RBP4: variants seen among roughly 807,000 people sequenced by gnomAD.
The protein encoded by RBP4 is retinol-binding protein 4.
Under a neutral mutation model 26.2 loss-of-function variants are expected in RBP4, and 9 were observed. The ratio of observed to expected loss-of-function variants is 0.34; its 90% CI spans 0.21 to 0.60. The LOEUF is 0.60. RBP4 is among the 20% of genes least tolerant of loss of function. The pLI, the probability that RBP4 is intolerant of heterozygous loss-of-function variation, is 0.80. For missense variants in RBP4, 244 were observed against 271.3 expected (o/e 0.90, Z 0.71); for synonymous variants, 114 against 111.0 (o/e 1.03, Z -0.17).
chr10:93,600,211 G>C lies in RBP4; in HGVS notation c.355+182C>G, dbSNP rs10882282. The stretch of plus-strand genomic sequence containing the variant: ...TTTCTTGAGCTGAGGTTTGGGGAGG[G>C]GGTAGGTAGCTGCTCCCAATCTTGT... On this transcript the variant is annotated intron_variant, in intron 4 of 5. Transcript: ENST00000371464. 0.14 allele frequency among the ~76,000 whole-genome samples: 21,813 copies of C among 152,142 alleles called. 2,530 individuals are homozygous for C. Among genetic ancestry groups the C allele is most frequent in the East Asian group, 0.43 (2,221 of 5,146 alleles).
intron 4 of RBP4, among the ~76,000 whole-genome samples, chr10:93,594,876 G>A (rs1184290910): frequency 3.3e-5 from 5 of 152,182 alleles, no homozygotes; most frequent in South Asian, 2.1e-4. Context: ...ACCATGGCTC[G>A]TGCTTGTAAT....
At chr10:93,593,555 A>G (rs17484721) in intron 5 of RBP4, among the ~76,000 whole-genome samples, 22,797 of 151,928 alleles carry the variant, frequency 0.15, 1,955 homozygotes, top group South Asian at 0.34. Context: ...TGGCCCGAGG[A>G]AGCAGAATAA....
intron 1 of RBP4, 49 bp from the exon 2 acceptor site, chr10:93,601,095 C>A: frequency 6.3e-7 from 1 of 1,578,762 alleles, no homozygotes; most frequent in Non-Finnish European, 8.5e-7. Flanking sequence ...CCCCCGCCGC[C>A]GTATCCCACC....
intron 4 of RBP4, among the ~76,000 whole-genome samples, chr10:93,598,661 G>C (rs58621997): frequency 1.3e-5 from 2 of 152,164 alleles, no homozygotes; most frequent in Non-Finnish European, 2.9e-5. Flanking sequence ...GGTTTGATAG[G>C]GGGAGGAGGC....
chr10:93,595,269 A>G (rs1286702399), intron 4 of RBP4, among the ~76,000 whole-genome samples: 3 of 152,130 alleles, frequency 2.0e-5, no homozygotes, highest in Non-Finnish European at 2.9e-5. Flanking sequence ...ACACAATACC[A>G]TGATTGGGAC....
At chr10:93,600,061 C>G (rs1045536934) in intron 4 of RBP4, among the ~76,000 whole-genome samples, 1 of 152,168 alleles carries the variant, frequency 6.6e-6, no homozygotes, top group African/African-American at 2.4e-5. Context: ...AAATGCAGAG[C>G]TAGGTGGAGT....
At position 93,601,216 on chromosome 10, in the gene RBP4, G is replaced by A. The variant is rs2058337217; in HGVS notation, c.-64C>T. Reference sequence around the variant, plus strand: ...GCAAGCCTGGCCGCCGAGTCCGGGCGCGCGTGGAGCGAGGGAGGCGAGCGC... The same window carrying A: ...GCAAGCCTGGCCGCCGAGTCCGGGCACGCGTGGAGCGAGGGAGGCGAGCGC... On this transcript the variant is annotated 5_prime_UTR_variant, in exon 1 of 6. Transcript: ENST00000371464. 7.7e-7 allele frequency: 1 copy of A among 1,297,980 alleles called. No homozygotes were observed. The highest frequency in any genetic ancestry group is 2.4e-5 in the South Asian group (1 of 41,988). The allele number at this position is 1,297,980 out of a possible 1,614,324, so 80.4% of individuals were successfully genotyped here.
At chr10:93,599,787 G>A (rs1208347212) in intron 4 of RBP4, among the ~76,000 whole-genome samples, 2 of 152,142 alleles carry the variant, frequency 1.3e-5, no homozygotes, top group Non-Finnish European at 2.9e-5. Flanking sequence ...CTCATGATTA[G>A]GCCAAATTTT....
At chr10:93,594,579 C>T (rs1386185632) in intron 4 of RBP4, among the ~76,000 whole-genome samples, 2 of 152,220 alleles carry the variant, frequency 1.3e-5, no homozygotes, top group African/African-American at 4.8e-5. Context: ...GCTTCTCTGG[C>T]TCCATCCTAA....
chr10:93,593,943 T>C lies in RBP4; in HGVS notation c.448A>G (p.Ser150Gly). 6.2e-7 allele frequency: 1 copy of C among 1,614,070 alleles called. No homozygotes were observed. Among genetic ancestry groups the C allele is most frequent in the Non-Finnish European group, 8.5e-7 (1 of 1,180,040 alleles). ...LLNLDGTCAD[S>G]YSFVFSRDPN... ...TCCCGGGAAAACACGAAGGAGTAGC[T>C]GTCAGCACAGGTGCCATCGAGGTTC... The change falls in exon 5 of 6, where the codon AGC becomes GGC. Residue 150 changes from serine (S) to glycine (G), a missense_variant. Transcript: ENST00000371464.
At position 93,600,979 on chromosome 10, in the gene RBP4, C is replaced by A. The variant is rs971623953; in HGVS notation, c.50G>T (p.Arg17Leu). 1 of 1,612,222 alleles carries A rather than the reference C, an allele frequency of 6.2e-7. No homozygotes were observed. Among genetic ancestry groups the A allele is most frequent in the African/African-American group, 1.3e-5 (1 of 74,924 alleles). ...LLLLAALGSG[R>L]AERDCRVSSF... Reference sequence around the variant, plus strand: ...GCTCACTCGGCAGTCGCGCTCCGCGCGGCCGCTGCCCAGCGCCGCCAACAG... The same window carrying A: ...GCTCACTCGGCAGTCGCGCTCCGCGAGGCCGCTGCCCAGCGCCGCCAACAG... Residue 17 changes from arginine to leucine, a missense_variant, in exon 2 of 6, where the codon CGC becomes CTC. Arg to Leu is a moderately radical substitution (Grantham distance 102). Transcript: ENST00000371464.
At chr10:93,594,357 C>A (rs898990712) in intron 4 of RBP4, among the ~76,000 whole-genome samples, 2 of 152,150 alleles carry the variant, frequency 1.3e-5, no homozygotes, top group Non-Finnish European at 2.9e-5. Context: ...TCATCAAAAC[C>A]ACAGAATAAA....
Position 93,600,913 on chromosome 10 carries a change from C to T in RBP4, c.111+5G>A, listed in dbSNP as rs774499228. The T allele has an allele frequency of 6.2e-7, 1 of 1,612,232 alleles. No homozygotes were observed. Among genetic ancestry groups the T allele is most frequent in the Non-Finnish European group, 8.5e-7 (1 of 1,179,750 alleles). On this transcript the variant is annotated splice_donor_5th_base_variant and intron_variant, in intron 2 of 5. Transcript: ENST00000371464. Reference sequence around the variant, plus strand: ...GCCGCCTGGGCCCCCTGGGCCGATACCTACGCGAGCCTTGTCGAAGTTCTC... The same window carrying T: ...GCCGCCTGGGCCCCCTGGGCCGATATCTACGCGAGCCTTGTCGAAGTTCTC...
chr10:93,595,163 A>G (rs1271567456), intron 4 of RBP4, among the ~76,000 whole-genome samples: 1 of 152,126 alleles, frequency 6.6e-6, no homozygotes, highest in East Asian at 1.9e-4. Flanking sequence ...AAAGAAAAAA[A>G]GAATGTATGT....
At chr10:93,593,757 TG>T in intron 5 of RBP4, 65 bp downstream of exon 5, 2 of 1,528,636 alleles carry the variant, frequency 1.3e-6, no homozygotes, top group Non-Finnish European at 9.0e-7. Flanking sequence ...CACTAGCACG[TG>T]GGCCCCTTAG....
intron 4 of RBP4, among the ~76,000 whole-genome samples, chr10:93,595,903 TGAG>T (rs982093169): frequency 5.3e-5 from 8 of 152,178 alleles, no homozygotes; most frequent in Admixed American, 5.2e-4. Flanking sequence ...GAGGTGGGGC[TGAG>T]GAGATGTTCC....
intron 4 of RBP4, among the ~76,000 whole-genome samples, chr10:93,595,344 T>G (rs529110632): frequency 4.6e-5 from 7 of 152,254 alleles, no homozygotes; most frequent in African/African-American, 1.7e-4. Context: ...CTCGGTTACC[T>G]CTCACATTGA....
chr10:93,600,827 G>C (rs2058332348), intron 2 of RBP4, 24 bp from the exon 3 acceptor site: 1 of 1,340,402 alleles, frequency 7.5e-7, no homozygotes, highest in Non-Finnish European at 9.9e-7. Flanking sequence ...GACAGCAGGG[G>C]TTTGGCGTCC....
chr10:93,600,891 GCCTGGGCCC>G lies in RBP4; in HGVS notation c.111+18_111+26del. The G allele has an allele frequency of 5.6e-6, 9 of 1,610,954 alleles. No individual in the cohort carries two copies. The highest frequency in any genetic ancestry group is 1.1e-5 in the South Asian group (1 of 90,984). ...CGGGGATGGGGTGGGGACCTGGGCC[GCCTGGGCCC>G]CCTGGGCCGATACCTACGCGAGCCT... is the stretch of plus-strand genomic sequence containing the variant. On this transcript the variant is annotated intron_variant, in intron 2 of 5. Coordinates refer to ENST00000371464, the MANE Select transcript of RBP4 (RefSeq NM_006744.4).
Sources: allele counts gnomAD v4.1 joint callset (sites outside exome capture counted in the v4.1 genomes callset), GRCh38; gene constraint gnomAD v4.1.1; transcripts MANE v1.5; gene names NCBI Gene and HGNC (gene_info 2026-07-23, HGNC 2026-07-21).